ENOX1: variants seen among roughly 807,000 people sequenced by gnomAD.
The protein encoded by ENOX1 is ecto-NOX disulfide-thiol exchanger 1, also known as candidate growth-related and time keeping constitutive hydroquinone (NADH) oxidase.
Under a neutral mutation model 82.5 loss-of-function variants are expected in ENOX1, and 42 were observed. The observed-to-expected ratio is 0.51, with a 90% CI of 0.40 to 0.66. The LOEUF (loss-of-function observed/expected upper bound fraction) is 0.66, where lower values mean the gene tolerates loss of function less well. Among genes scored for constraint, ENOX1 ranks in the 30% least tolerant of loss-of-function variants. The pLI is 0.00. For missense variants in ENOX1, 608 were observed against 811.6 expected, an observed-to-expected ratio of 0.75 and a Z score of 3.05; for synonymous variants, 271 against 282.2, an observed-to-expected ratio of 0.96 and a Z score of 0.40.
intron 2 of ENOX1, among the ~76,000 whole-genome samples, chr13:43,635,170 G>A (rs888416146): frequency 5.3e-5 from 8 of 152,194 alleles, no homozygotes; most frequent in Non-Finnish European, 1.0e-4. Context: ...TAATACCTGT[G>A]AAGTGATAAA....
At chr13:43,419,180 T>C (rs1281114153) in intron 3 of ENOX1, among the ~76,000 whole-genome samples, 2 of 152,058 alleles carry the variant, frequency 1.3e-5, no homozygotes, top group South Asian at 2.1e-4. Context: ...CAGATTCCTG[T>C]TAAAGGAGGG....
intron 2 of ENOX1, among the ~76,000 whole-genome samples, chr13:43,607,039 CACAATAGAGTGACTACAGTCA>C (rs1051284190): frequency 6.6e-6 from 1 of 151,880 alleles, no homozygotes; most frequent in African/African-American, 2.4e-5. Flanking sequence ...TATTTGACAG[CACAATAGAGTGACTACAGTCA>C]ACAATAATTT....
chr13:43,436,921 A>G (rs895465473), intron 3 of ENOX1, among the ~76,000 whole-genome samples: 11 of 152,210 alleles, frequency 7.2e-5, no homozygotes, highest in African/African-American at 2.7e-4. Context: ...ACTATGGCTT[A>G]CAATAATTTC....
At chr13:43,470,232 G>A (rs1163855615) in intron 3 of ENOX1, among the ~76,000 whole-genome samples, 1 of 91,710 alleles carries the variant, frequency 1.1e-5, no homozygotes, top group Non-Finnish European at 2.4e-5. Flanking sequence ...GTGTATGTGT[G>A]TGTGTGTATA....
At chr13:43,504,443 A>G (rs2077082283) in intron 2 of ENOX1, among the ~76,000 whole-genome samples, 1 of 151,894 alleles carries the variant, frequency 6.6e-6, no homozygotes, top group African/African-American at 2.4e-5. Context: ...AGATGGACAA[A>G]TAAAGAAAAT....
At chr13:43,544,185 T>C (rs1236739931) in intron 2 of ENOX1, 2 of 152,138 alleles carry the variant, frequency 1.3e-5, no homozygotes, top group African/African-American at 4.8e-5. Context: ...CAGCCTAAGC[T>C]ACTGTCTACC....
At chr13:43,391,259 C>A (rs2052756544) in intron 5 of ENOX1, among the ~76,000 whole-genome samples, 1 of 152,130 alleles carries the variant, frequency 6.6e-6, no homozygotes, top group East Asian at 1.9e-4. Flanking sequence ...TCCTCTCAAC[C>A]CCCTTTGCTG....
chr13:43,643,295 A>G (rs1385874457), intron 2 of ENOX1, among the ~76,000 whole-genome samples: 1 of 152,100 alleles, frequency 6.6e-6, no homozygotes, highest in Admixed American at 6.5e-5. Flanking sequence ...CAGACTAATG[A>G]TCGTGATCAG....
At chr13:43,389,297 G>A (rs1025003917) in intron 5 of ENOX1, among the ~76,000 whole-genome samples, 1 of 152,146 alleles carries the variant, frequency 6.6e-6, no homozygotes, top group Non-Finnish European at 1.5e-5. Flanking sequence ...TGAAAAACTG[G>A]AAACAGCTCA....
chr13:43,220,355 C>T (rs537550200), intron 16 of ENOX1, among the ~76,000 whole-genome samples: 14 of 152,208 alleles, frequency 9.2e-5, no homozygotes, highest in African/African-American at 2.4e-4. Context: ...AGCATGGACT[C>T]GAGGGTACCT....
intron 2 of ENOX1, among the ~76,000 whole-genome samples, chr13:43,651,138 G>GA (rs2153776731): frequency 6.6e-6 from 1 of 152,096 alleles, no homozygotes; most frequent in Non-Finnish European, 1.5e-5. Flanking sequence ...AGTTTCCAAT[G>GA]ATACAATCAA....
chr13:43,334,284 G>T (rs1481043378), intron 9 of ENOX1, among the ~76,000 whole-genome samples: 1 of 152,188 alleles, frequency 6.6e-6, no homozygotes, highest in Non-Finnish European at 1.5e-5. Context: ...CTTGTCCAAG[G>T]TCATATATTT....
intron 14 of ENOX1, among the ~76,000 whole-genome samples, chr13:43,260,741 T>A (rs2153475966): frequency 6.6e-6 from 1 of 152,338 alleles, no homozygotes; most frequent in South Asian, 2.1e-4. Flanking sequence ...GACCAGGTTA[T>A]TCAGCAGTCC....
chr13:43,476,316 A>G (rs933273905), intron 3 of ENOX1, among the ~76,000 whole-genome samples: 1 of 152,156 alleles, frequency 6.6e-6, no homozygotes, highest in Non-Finnish European at 1.5e-5. Flanking sequence ...TGAAGGTACC[A>G]GACACTAAAC....
chr13:43,610,103 T>A (rs1404810692), intron 2 of ENOX1, among the ~76,000 whole-genome samples: 3 of 152,230 alleles, frequency 2.0e-5, no homozygotes, highest in Non-Finnish European at 4.4e-5. Flanking sequence ...TGCTGGGAAT[T>A]GCAAAGTGCC....
At chr13:43,374,039 C>T (rs1594205675) in intron 5 of ENOX1, among the ~76,000 whole-genome samples, 1 of 151,930 alleles carries the variant, frequency 6.6e-6, no homozygotes, top group Non-Finnish European at 1.5e-5. Flanking sequence ...AGAGACTATC[C>T]CCCAGATTTT....
At chr13:43,379,534 AT>A (rs2051883092) in intron 5 of ENOX1, among the ~76,000 whole-genome samples, 1 of 152,110 alleles carries the variant, frequency 6.6e-6, no homozygotes, top group African/African-American at 2.4e-5. Context: ...GAGATAAAAA[AT>A]ATACTGTATG....
chr13:43,772,883 T>C (rs943459177), intron 1 of ENOX1, among the ~76,000 whole-genome samples: 2 of 152,104 alleles, frequency 1.3e-5, no homozygotes, highest in African/African-American at 4.8e-5. Context: ...GATGGGCTGC[T>C]AGCTATAATT....
intron 2 of ENOX1, among the ~76,000 whole-genome samples, chr13:43,488,725 C>T (rs1010444556): frequency 6.6e-6 from 1 of 152,126 alleles, no homozygotes; most frequent in Non-Finnish European, 1.5e-5. Flanking sequence ...TTATGGATTA[C>T]TTAAGTGTTT....
Sources: gnomAD v4.1 joint callset for allele counts (sites outside exome capture counted in the v4.1 genomes callset) on GRCh38, gnomAD v4.1.1 for gene constraint, MANE v1.5 for transcripts, NCBI Gene and HGNC (gene_info 2026-07-23, HGNC 2026-07-21) for gene names.